DNASE1: variants seen among roughly 807,000 people sequenced by gnomAD.
DNASE1 encodes deoxyribonuclease 1, also known as deoxyribonuclease-1.
A neutral mutation model predicts 33.9 loss-of-function variants in DNASE1; 40 were observed. The observed-to-expected ratio is 1.18, with a 90% CI of 0.92 to 1.54. The LOEUF (loss-of-function observed/expected upper bound fraction) is 1.54, where lower values mean the gene tolerates loss of function less well. DNASE1 is among the 40% of genes most tolerant of loss of function. DNASE1 has a pLI of 0.00. For synonymous variants in DNASE1, 216 were observed against 160.0 expected, an observed-to-expected ratio of 1.35 and a Z score of -2.64; for missense variants, 518 against 372.6, an observed-to-expected ratio of 1.39 and a Z score of -3.21.
chr16:3,625,321 T>C (rs2041473656), intron 1 of DNASE1, among the ~76,000 whole-genome samples: 1 of 145,846 alleles, frequency 6.9e-6, no homozygotes, highest in African/African-American at 2.6e-5. Flanking sequence ...CAAAAAACAA[T>C]AAAACAAACT....
intron 1 of DNASE1, among the ~76,000 whole-genome samples, chr16:3,622,240 T>G (rs79655217): frequency 0.02 from 2,972 of 148,878 alleles, 90 homozygotes; most frequent in Middle Eastern, 0.063. Context: ...AAACGGAGGC[T>G]GAATCAGTTT....
intron 1 of DNASE1, among the ~76,000 whole-genome samples, chr16:3,645,986 A>G (rs540714159): frequency 6.6e-6 from 1 of 152,114 alleles, no homozygotes; most frequent in African/African-American, 2.4e-5. Context: ...GTCCTCTAAG[A>G]TGCTCTGTCC....
At chr16:3,664,180 G>C in exon 10 of DNASE1, 3 of 1,338,860 alleles carry the variant, frequency 2.2e-6, no homozygotes, top group African/African-American at 3.0e-5. Context: ...CCTGCCCGGA[G>C]TCTTGGGCAG....
At chr16:3,655,640 C>G in intron 2 of DNASE1, 120 bp downstream of exon 2, 1 of 1,507,518 alleles carries the variant, frequency 6.6e-7, no homozygotes, top group Non-Finnish European at 9.1e-7. Flanking sequence ...ACCACTGCTC[C>G]CAGCACGGTG....
intron 1 of DNASE1, among the ~76,000 whole-genome samples, chr16:3,646,767 A>T (rs2042183246): frequency 6.6e-6 from 1 of 152,142 alleles, no homozygotes; most frequent in African/African-American, 2.4e-5. Context: ...CAGGGCAGCC[A>T]AAGGGAGAGG....
downstream of DNASE1, chr16:3,662,199 C>T: frequency 7.1e-6 from 11 of 1,559,434 alleles, no homozygotes; most frequent in South Asian, 1.3e-4. Context: ...CAGGATCTTA[C>T]CAGGGGTGAA....
chr16:3,639,148 G>A (rs137935743), upstream of DNASE1, among the ~76,000 whole-genome samples: 39 of 152,246 alleles, frequency 2.6e-4, no homozygotes, highest in East Asian at 3.3e-3. Flanking sequence ...AGTTTATTGC[G>A]TCTCAACTCT....
Position 3,655,520 on chromosome 16 carries a change from G to A in DNASE1, c.147G>A (p.Gln49=). Residue 49 remains glutamine (Q), a splice_region_variant and synonymous_variant, in exon 2 of 9, where the codon CAG becomes CAA. Transcript: ENST00000246949. ...SNATLVSYIV[Q]ILSRYDIALV... ...CCACCCTCGTCAGCTACATTGTGCA[G>A]GTGAGGCCAGGGCAGCCTCCCCCCA... 1 of 1,614,104 alleles carries A rather than the reference G, an allele frequency of 6.2e-7. No individual in the cohort carries two copies. Among genetic ancestry groups the A allele is most frequent in the Non-Finnish European group, 8.5e-7 (1 of 1,180,030 alleles).
intron 1 of DNASE1, among the ~76,000 whole-genome samples, chr16:3,629,327 T>G (rs2041626133): frequency 6.6e-6 from 1 of 152,196 alleles, no homozygotes; most frequent in African/African-American, 2.4e-5. Context: ...CACATGCCTT[T>G]GCTGCAGCAA....
intron 1 of DNASE1, among the ~76,000 whole-genome samples, chr16:3,617,035 A>G (rs1212725323): frequency 6.6e-6 from 1 of 152,064 alleles, no homozygotes; most frequent in African/African-American, 2.4e-5. Context: ...GAAAACTATA[A>G]AACTCTTAGA....
intron 1 of DNASE1, among the ~76,000 whole-genome samples, chr16:3,624,627 G>A (rs1412277156): frequency 6.6e-6 from 1 of 152,192 alleles, no homozygotes; most frequent in Admixed American, 6.5e-5. Context: ...GCCATTCCCA[G>A]TGGTGGCCCA....
At chr16:3,629,270 G>A (rs527560052) in intron 1 of DNASE1, among the ~76,000 whole-genome samples, 1 of 151,568 alleles carries the variant, frequency 6.6e-6, no homozygotes, top group East Asian at 1.9e-4. Flanking sequence ...TCCCTTGTAC[G>A]TTTAGTTTGT....
upstream of DNASE1, chr16:3,651,630 G>T: frequency 6.6e-6 from 1 of 152,438 alleles, no homozygotes. Context: ...GCCTTAGGGC[G>T]GCACGTGTTC....
rs2050733297 is a variant in DNASE1, at chr16:3,663,372, G to C, written c.*5419G>C. The C allele has an allele frequency of 1.2e-5, 19 of 1,609,908 alleles. No homozygotes were observed. The South Asian group carries it at 1.8e-4, about 15-fold the overall frequency. ...AAGCCCTCGCTGCGGGGCAGGAGAG[G>C]CGTGCGGGGAGTGGAAACCAGCCCC... On this transcript the variant is annotated 3_prime_UTR_variant, in exon 10 of 10. Coordinates refer to the DNASE1 transcript ENST00000407479.
intron 1 of DNASE1, among the ~76,000 whole-genome samples, chr16:3,622,992 GA>G (rs954470512): frequency 1.3e-5 from 2 of 152,070 alleles, no homozygotes; most frequent in Non-Finnish European, 2.9e-5. Context: ...GAGAGCTTGA[GA>G]CCAGCCTCGG....
rs773012748 is a variant in DNASE1 at position 3,655,517 on chromosome 16, G to A, written c.144G>A (p.Val48=). 3.7e-6 allele frequency: 6 copies of A among 1,614,004 alleles called. No individual in the cohort carries two copies. In the East Asian group the frequency reaches 6.7e-5, roughly 18 times the overall value. ...MSNATLVSYI[V]QILSRYDIAL... Reference sequence around the variant, plus strand: ...ATGCCACCCTCGTCAGCTACATTGTGCAGGTGAGGCCAGGGCAGCCTCCCC... The same window carrying A: ...ATGCCACCCTCGTCAGCTACATTGTACAGGTGAGGCCAGGGCAGCCTCCCC... Residue 48 remains valine, a synonymous_variant, in exon 2 of 9, where the codon GTG becomes GTA. Transcript: ENST00000246949.
At chr16:3,663,480 T>G in exon 10 of DNASE1, 1 of 1,613,968 alleles carries the variant, frequency 6.2e-7, no homozygotes, top group Non-Finnish European at 8.5e-7. Context: ...TATGTCCGTC[T>G]CCACAGAGAT....
upstream of DNASE1, chr16:3,640,752 G>C: frequency 2.5e-6 from 1 of 398,630 alleles, no homozygotes; most frequent in Non-Finnish European, 4.4e-6. Context: ...GATGGCAAAA[G>C]CTTGCTGAGT....
At chr16:3,624,587 G>T (rs1447881035) in intron 1 of DNASE1, among the ~76,000 whole-genome samples, 1 of 152,184 alleles carries the variant, frequency 6.6e-6, no homozygotes, top group Non-Finnish European at 1.5e-5. Flanking sequence ...GGTGGACTGT[G>T]CTCAGCATCC....
Sources: gnomAD v4.1 joint callset for allele counts (sites outside exome capture counted in the v4.1 genomes callset) on GRCh38, gnomAD v4.1.1 for gene constraint, MANE v1.5 for transcripts, NCBI Gene and HGNC (gene_info 2026-07-23, HGNC 2026-07-21) for gene names.